MUC7: variants seen among roughly 807,000 people sequenced by gnomAD.
MUC7 encodes mucin 7, secreted.
In MUC7, 2 loss-of-function variants were observed where a neutral mutation model predicts 2.5. The ratio of observed to expected loss-of-function variants is 0.81; its 90% confidence interval spans 0.33 to 2.55. The LOEUF is 2.55. MUC7 is among the 30% of genes most tolerant of loss of function. The pLI, the probability that MUC7 is intolerant of heterozygous loss-of-function variation, is 0.11. For missense variants in MUC7, 408 were observed against 455.6 expected, an observed-to-expected ratio of 0.90 and a Z score of 0.95; for synonymous variants, 133 against 173.4, an observed-to-expected ratio of 0.77 and a Z score of 1.83.
chr4:70,464,926 GTCC>G (rs1470987265), intron 1 of MUC7, among the ~76,000 whole-genome samples: 3 of 152,192 alleles, frequency 2.0e-5, no homozygotes, highest in Admixed American at 6.5e-5. Context: ...CCTCAAGTGG[GTCC>G]CTGACCCCTG....
intron 1 of MUC7, among the ~76,000 whole-genome samples, chr4:70,472,501 A>G (rs1486343721): frequency 2.0e-5 from 3 of 152,152 alleles, no homozygotes; most frequent in Admixed American, 1.3e-4. Context: ...TTAAAAACAA[A>G]TCTGACAATA....
rs1370878500 is a variant in MUC7 at position 70,481,078 on chromosome 4, C to T, written c.334C>T (p.Pro112Ser). The T allele has an allele frequency of 1.2e-6, 2 of 1,614,086 alleles. No individual in the cohort carries two copies. Among genetic ancestry groups the T allele is most frequent in the South Asian group, 2.2e-5 (2 of 91,080 alleles). Residue 112 changes from proline to serine, a missense_variant, in exon 3 of 3, where the codon CCA becomes TCA. Coordinates refer to ENST00000304887, the MANE Select transcript of MUC7 (RefSeq NM_152291.3). ...NPTLVATTQIPSVTFPSASTK... is the reference protein window; with the variant it reads ...NPTLVATTQISSVTFPSASTK... The stretch of plus-strand genomic sequence containing the variant: ...TACCTTAGTGGCTACAACCCAAATT[C>T]CATCTGTGACTTTCCCATCAGCTTC...
At chr4:70,458,859 A>G (rs2109723982) in intron 1 of MUC7, among the ~76,000 whole-genome samples, 1 of 152,240 alleles carries the variant, frequency 6.6e-6, no homozygotes, top group East Asian at 1.9e-4. Flanking sequence ...AAAATTGTTC[A>G]GAAAAATATC....
rs892012818 is a variant in MUC7 at position 70,482,233 on chromosome 4, C to T, written c.*355C>T. 1.3e-5 allele frequency: 3 copies of T among 222,554 alleles called. No individual in the cohort carries two copies. Among genetic ancestry groups the T allele is most frequent in the Admixed American group, 5.2e-5 (1 of 19,394 alleles). 13.8% of individuals were successfully genotyped at this position (222,554 alleles called of 1,614,324 possible). The stretch of plus-strand genomic sequence containing the variant: ...ACTACAAAACCACTACCTTGTACCC[C>T]CATCAAAATCCCACCTGAACCATCT... On this transcript the variant is annotated 3_prime_UTR_variant, in exon 3 of 3. Coordinates refer to ENST00000304887, the MANE Select transcript of MUC7 (RefSeq NM_152291.3).
At chr4:70,441,929 G>A (rs1023105573) in intron 1 of MUC7, among the ~76,000 whole-genome samples, 7 of 152,132 alleles carry the variant, frequency 4.6e-5, no homozygotes, top group Admixed American at 3.9e-4. Context: ...AAAATATACT[G>A]TCTTAAAGGA....
chr4:70,432,832 A>T (rs191428154), intron 1 of MUC7, among the ~76,000 whole-genome samples: 96 of 152,230 alleles, frequency 6.3e-4, no homozygotes, highest in African/African-American at 2.1e-3. Context: ...GGTATTGCCT[A>T]GGTTTTCTTC....
chr4:70,462,153 A>G (rs1160947957), intron 1 of MUC7, among the ~76,000 whole-genome samples: 1 of 152,108 alleles, frequency 6.6e-6, no homozygotes, highest in Non-Finnish European at 1.5e-5. Flanking sequence ...TCAAGACTGC[A>G]GTGAGCCATA....
chr4:70,443,073 T>C (rs1258447591), intron 1 of MUC7, among the ~76,000 whole-genome samples: 1 of 152,180 alleles, frequency 6.6e-6, no homozygotes, highest in Non-Finnish European at 1.5e-5. Context: ...AAGTTCCAGA[T>C]CTGCTAAACC....
chr4:70,437,511 C>T (rs369789503), intron 1 of MUC7, among the ~76,000 whole-genome samples: 14 of 152,314 alleles, frequency 9.2e-5, no homozygotes, highest in Admixed American at 4.6e-4. Flanking sequence ...GCTCCATGGG[C>T]GTGGGACTCA....
chr4:70,440,340 C>T (rs935988827), intron 1 of MUC7, among the ~76,000 whole-genome samples: 2 of 152,060 alleles, frequency 1.3e-5, no homozygotes, highest in Non-Finnish European at 2.9e-5. Context: ...TTTCATGCTC[C>T]AGTGGAGGAA....
intron 1 of MUC7, among the ~76,000 whole-genome samples, chr4:70,446,120 A>G (rs1734127599): frequency 6.6e-6 from 1 of 152,186 alleles, no homozygotes; most frequent in Non-Finnish European, 1.5e-5. Context: ...AAGCTTTTGA[A>G]TACAGATCCA....
intron 1 of MUC7, among the ~76,000 whole-genome samples, chr4:70,443,301 C>T (rs542686501): frequency 7.0e-6 from 1 of 143,670 alleles, no homozygotes; most frequent in Non-Finnish European, 1.5e-5. Context: ...AAAGAACAAC[C>T]TAACACAAAA....
At chr4:70,479,799 C>A (rs1735114820) in intron 2 of MUC7, among the ~76,000 whole-genome samples, 2 of 152,190 alleles carry the variant, frequency 1.3e-5, no homozygotes, top group Non-Finnish European at 2.9e-5. Context: ...TGAAAGACTT[C>A]TGGATCTTCT....
chr4:70,458,322 A>T (rs1458784540), intron 1 of MUC7, among the ~76,000 whole-genome samples: 1 of 152,142 alleles, frequency 6.6e-6, no homozygotes, highest in Non-Finnish European at 1.5e-5. Flanking sequence ...AGGAGACTTC[A>T]TTAGCCTGAT....
Position 70,450,980 on chromosome 4 carries a change from C to T in MUC7, c.-93+20293C>T, listed in dbSNP as rs114680887. ...GTGTTTCAGTATGTTGCATGCCCCC[C>T]CAGTCCACTGTCTCTGAGCTGGTTC... On this transcript the variant is annotated intron_variant, in intron 1 of 3. Transcript: ENST00000413702. 2.5e-3 allele frequency among the ~76,000 whole-genome samples: 275 copies of T among 110,992 alleles called. 2 individuals carry two copies. The highest frequency in any genetic ancestry group is 0.014 in the Middle Eastern group (3 of 218). The allele number at this position is 110,992 out of a possible 152,430, so 72.8% of individuals were successfully genotyped here.
Position 70,481,072 on chromosome 4 carries a change from C to CA in MUC7, c.331dup (p.Ile111AsnfsTer36). 6.2e-7 allele frequency: 1 copy of CA among 1,614,108 alleles called. No homozygotes were observed. The highest frequency in any genetic ancestry group is 8.5e-7 in the Non-Finnish European group (1 of 1,180,014). The stretch of plus-strand genomic sequence containing the variant: ...CAACCCTACCTTAGTGGCTACAACC[C>CA]AAATTCCATCTGTGACTTTCCCATC... On this transcript the variant is annotated frameshift_variant, in exon 3 of 3. Coordinates refer to ENST00000304887, the MANE Select transcript of MUC7 (RefSeq NM_152291.3). LOFTEE classifies it low-confidence loss of function (END_TRUNC).
chr4:70,450,271 T>A (rs1332001454), intron 1 of MUC7, among the ~76,000 whole-genome samples: 4 of 152,148 alleles, frequency 2.6e-5, no homozygotes, highest in Non-Finnish European at 5.9e-5. Context: ...CTACCACCAA[T>A]GTTTCCAAGG....
intron 1 of MUC7, among the ~76,000 whole-genome samples, chr4:70,466,565 G>A (rs768848914): frequency 2.0e-5 from 3 of 151,372 alleles, no homozygotes; most frequent in African/African-American, 4.8e-5. Flanking sequence ...ATGGAGGAAT[G>A]TTTACCAAGC....
At chr4:70,471,635 C>T (rs1194824255), upstream of MUC7, among the ~76,000 whole-genome samples, 1 of 152,122 alleles carries the variant, frequency 6.6e-6, no homozygotes, top group African/African-American at 2.4e-5. Context: ...TACTACCCTC[C>T]TCACTTTTCT....
Sources: allele counts gnomAD v4.1 joint callset (sites outside exome capture counted in the v4.1 genomes callset), GRCh38; gene constraint gnomAD v4.1.1; transcripts MANE v1.5; gene names NCBI Gene and HGNC (gene_info 2026-07-23, HGNC 2026-07-21).